ZNF831: variants seen among roughly 807,000 people sequenced by gnomAD.
ZNF831 encodes the protein chromosome 20 open reading frame 174.
In ZNF831, 59 loss-of-function variants were observed where a neutral mutation model predicts 95.8. The observed-to-expected ratio is 0.62, with a 90% CI of 0.50 to 0.77. ZNF831 has a LOEUF of 0.77. ZNF831 is among the 30% of genes least tolerant of loss of function. The pLI, the probability that ZNF831 is intolerant of heterozygous loss-of-function variation, is 0.00. For missense variants in ZNF831, 2,205 were observed against 2,164.0 expected (o/e 1.02, Z -0.38); for synonymous variants, 961 against 925.5 (o/e 1.04, Z -0.70).
In ZNF831 at chr20:59,206,912, G is replaced by A; in HGVS notation, c.3883G>A (p.Gly1295Arg). The change falls in exon 4 of 6, where the codon GGG becomes AGG. Residue 1295 changes from glycine to arginine, a missense_variant. Gly to Arg is a moderately radical substitution (Grantham distance 125). Transcript: ENST00000371030. Reference protein sequence around the residue: ...KLKINPKRYKGNFLQSCVQLR... With the variant: ...KLKINPKRYKRNFLQSCVQLR... ...TGCTTCTCTCTTCTACAGGTACAAA[G>A]GGAATTTCTTGCAGAGCTGTGTTCA... 6.2e-7 allele frequency: 1 copy of A among 1,613,918 alleles called. No individual in the cohort carries two copies. Among genetic ancestry groups the A allele is most frequent in the African/African-American group, 1.3e-5 (1 of 74,990 alleles).
At chr20:59,178,148 T>C (rs74715624) in intron 1 of ZNF831, among the ~76,000 whole-genome samples, 12,715 of 152,292 alleles carry the variant, frequency 0.083, 722 homozygotes, top group Non-Finnish European at 0.12. Flanking sequence ...TGAGCCTGCT[T>C]GAGGGAACCA....
intron 1 of ZNF831, among the ~76,000 whole-genome samples, chr20:59,170,633 A>G (rs1981654103): frequency 1.3e-5 from 2 of 152,220 alleles, no homozygotes; most frequent in Admixed American, 1.3e-4. Context: ...GAAGCTGATG[A>G]TAAGAATTAC....
At chr20:59,200,457 T>C (rs1426961847) in intron 3 of ZNF831, among the ~76,000 whole-genome samples, 1 of 152,242 alleles carries the variant, frequency 6.6e-6, no homozygotes, top group African/African-American at 2.4e-5. Flanking sequence ...TACTATTTTT[T>C]GTAAAGCTTT....
chr20:59,178,335 A>T (rs532246132), intron 1 of ZNF831, among the ~76,000 whole-genome samples: 16 of 152,386 alleles, frequency 1.0e-4, no homozygotes, highest in African/African-American at 3.8e-4. Context: ...GAAGTAGACC[A>T]GAACAGCATG....
intron 4 of ZNF831, among the ~76,000 whole-genome samples, chr20:59,238,133 G>T (rs1158723745): frequency 6.6e-6 from 1 of 152,014 alleles, no homozygotes; most frequent in East Asian, 1.9e-4. Flanking sequence ...GTCCTTTCTG[G>T]CATATTCCTC....
At chr20:59,174,975 C>A (rs1324737254) in intron 1 of ZNF831, among the ~76,000 whole-genome samples, 1 of 152,156 alleles carries the variant, frequency 6.6e-6, no homozygotes, top group Non-Finnish European at 1.5e-5. Flanking sequence ...ATTTCCCCTT[C>A]ATTCCAGGAG....
chr20:59,163,037 G>A (rs1020424555), upstream of ZNF831, among the ~76,000 whole-genome samples: 5 of 151,818 alleles, frequency 3.3e-5, no homozygotes, highest in African/African-American at 1.2e-4. Flanking sequence ...GTGTGTGTGT[G>A]TGTGTGTGTG....
intron 3 of ZNF831, among the ~76,000 whole-genome samples, chr20:59,199,628 C>T (rs1286233083): frequency 1.3e-5 from 2 of 152,028 alleles, no homozygotes; most frequent in African/African-American, 4.8e-5. Flanking sequence ...CATTCATATG[C>T]TTCCTAATAT....
intron 4 of ZNF831, among the ~76,000 whole-genome samples, chr20:59,234,215 T>C (rs187713657): frequency 1.3e-5 from 2 of 152,228 alleles, no homozygotes; most frequent in Non-Finnish European, 2.9e-5. Context: ...GCAGAGTTGT[T>C]GGATTGGTTG....
chr20:59,226,610 A>G (rs1391054616), intron 4 of ZNF831, among the ~76,000 whole-genome samples: 1 of 151,470 alleles, frequency 6.6e-6, no homozygotes, highest in Non-Finnish European at 1.5e-5. Context: ...CGAAATATAT[A>G]AAGATGTAGA....
In ZNF831 at chr20:59,191,256, G is replaced by C. The variant is rs1437531981; in HGVS notation, c.237G>C (p.Thr79=). 6.5e-7 allele frequency: 1 copy of C among 1,550,306 alleles called. No homozygotes were observed. The highest frequency in any genetic ancestry group is 1.4e-5 in the African/African-American group (1 of 73,100). Residue 79 remains threonine, a synonymous_variant, in exon 2 of 6, where the codon ACG becomes ACC. Coordinates refer to ENST00000371030, the MANE Select transcript of ZNF831 (RefSeq NM_178457.3). ...TCCAGCCCCGCGCCCCGCTAGTGAC[G>C]GGCAGCCTAGATGGGGGCAACGTGC... is the stretch of plus-strand genomic sequence containing the variant. The part of the protein sequence containing the change: ...GGLQPRAPLV[T]GSLDGGNVPF...
At chr20:59,218,172 G>T (rs1452329323) in intron 4 of ZNF831, among the ~76,000 whole-genome samples, 2 of 152,204 alleles carry the variant, frequency 1.3e-5, no homozygotes. Context: ...CCAGAGAGAT[G>T]AATTTCTCAG....
intron 2 of ZNF831, among the ~76,000 whole-genome samples, chr20:59,151,792 TG>T (rs1980256585): frequency 6.6e-6 from 1 of 152,200 alleles, no homozygotes. Flanking sequence ...CTGAGCCCCA[TG>T]TATTGGAGAT....
At position 59,254,685 on chromosome 20, in the gene ZNF831, G is replaced by A. The variant is rs375124510; in HGVS notation, c.4976G>A (p.Arg1659Gln). The part of the protein sequence containing the change: ...RSLEGMRKQT[R>Q]VEFSDTSSDD... ...CTGGAAGGAATGAGAAAGCAAACTC[G>A]AGTAGAGTTCAGTGACACCAGCAGC... The change falls in exon 6 of 6, where the codon CGA (arginine) becomes CAA (glutamine). Residue 1659 changes from arginine to glutamine, a missense_variant. Coordinates refer to ENST00000371030, the MANE Select transcript of ZNF831 (RefSeq NM_178457.3). This position sits in a 1 kb window ranked among gnomAD's most constrained non-coding sequence, Gnocchi z 4.5. The A allele has an allele frequency of 6.2e-6, 10 of 1,614,000 alleles. No homozygotes were observed. The highest frequency in any genetic ancestry group is 5.3e-5 in the African/African-American group (4 of 74,924).
intron 4 of ZNF831, among the ~76,000 whole-genome samples, chr20:59,234,462 C>T (rs1016508575): frequency 6.6e-6 from 1 of 152,156 alleles, no homozygotes; most frequent in Non-Finnish European, 1.5e-5. Context: ...ACCCCAAATA[C>T]TGTTAAAGAA....
In ZNF831 at chr20:59,224,505, G is replaced by A. The variant is rs6070746; in HGVS notation, c.4027+17449G>A. ...ACTCTAATTGCCCCATTGCCTTGAC[G>A]AATCCGACTGTTCTTTGCACTTCAT... On this transcript the variant is annotated intron_variant, in intron 4 of 5. Coordinates refer to ENST00000371030, the MANE Select transcript of ZNF831 (RefSeq NM_178457.3). 6.6e-4 allele frequency among the ~76,000 whole-genome samples: 100 copies of A among 152,256 alleles called. 1 individual carries two copies. The highest frequency in any genetic ancestry group is 1.2e-3 in the South Asian group (6 of 4,816).
At chr20:59,186,845 G>T (rs1244601722) in intron 1 of ZNF831, among the ~76,000 whole-genome samples, 1 of 152,086 alleles carries the variant, frequency 6.6e-6, no homozygotes, top group Non-Finnish European at 1.5e-5. Flanking sequence ...TGAGACCAGA[G>T]GTTTAGGAGA....
intron 2 of ZNF831, among the ~76,000 whole-genome samples, chr20:59,149,527 C>T (rs991335776): frequency 5.3e-5 from 8 of 152,348 alleles, no homozygotes; most frequent in Admixed American, 1.3e-4. Flanking sequence ...TAACCTTATA[C>T]TCCATAATAT....
In ZNF831 at chr20:59,176,626, C is replaced by T. The variant is rs192774503; in HGVS notation, c.-37+12419C>T. ...CCCACTGTAACACGCATGTGTATTT[C>T]GCTTTAGTGCGTACATTATGTCCAT... On this transcript the variant is annotated intron_variant, in intron 1 of 5. Transcript: ENST00000371030. Among the ~76,000 whole-genome samples the T allele has an allele frequency of 5.2e-3, 797 of 152,266 alleles. 20 individuals are homozygous for T. The highest frequency in any genetic ancestry group is 0.043 in the Admixed American group (664 of 15,300).
Sources: gnomAD v4.1 joint callset for allele counts (sites outside exome capture counted in the v4.1 genomes callset) on GRCh38, gnomAD v4.1.1 for gene constraint, Gnocchi (gnomAD v3.1) non-coding constraint, MANE v1.5 for transcripts, NCBI Gene and HGNC (gene_info 2026-07-23, HGNC 2026-07-21) for gene names.